The following IRAG2 variants were observed in gnomAD, a reference collection of about 807,000 sequenced individuals.
The protein encoded by IRAG2 is inositol 1,4,5-triphosphate receptor associated 2, also known as lymphoid restricted membrane protein.
In IRAG2, 45 loss-of-function variants were observed where a neutral mutation model predicts 69.9. The ratio of observed to expected loss-of-function variants is 0.64; its 90% CI spans 0.51 to 0.83. IRAG2 has a LOEUF of 0.83. Among genes scored for constraint, IRAG2 ranks in the 40% least tolerant of loss-of-function variants. The pLI is 0.00. For missense variants in IRAG2, 520 were observed against 587.0 expected (o/e 0.89, Z 1.18); for synonymous variants, 193 against 202.4 (o/e 0.95, Z 0.40).
chr12:25,025,260 A>C (rs1313793623), intron 8 of IRAG2, among the ~76,000 whole-genome samples: 1 of 152,220 alleles, frequency 6.6e-6, no homozygotes, highest in African/African-American at 2.4e-5. Context: ...GGTTAGGAAA[A>C]GCAGCCTTAT....
At position 25,022,264 on chromosome 12, in the gene IRAG2, C is replaced by T. The variant is rs998169702; in HGVS notation, c.1332+1357C>T. On this transcript the variant is annotated intron_variant, in intron 7 of 38. Transcript: ENST00000636465. ...TGGCCTGCACTTTGGGAGGCTGAGGCGGGTGGGTCACTTGAGGTCAGGAGT... is the reference window on the plus strand; with the variant it reads ...TGGCCTGCACTTTGGGAGGCTGAGGTGGGTGGGTCACTTGAGGTCAGGAGT... Among the ~76,000 whole-genome samples the T allele has an allele frequency of 3.3e-5, 5 of 152,010 alleles. 1 individual carries two copies. The highest frequency in any genetic ancestry group is 1.3e-4 in the Admixed American group (2 of 15,252).
At chr12:25,022,657 G>C (rs1591928134) in intron 7 of IRAG2, among the ~76,000 whole-genome samples, 2 of 152,148 alleles carry the variant, frequency 1.3e-5, no homozygotes, top group East Asian at 3.8e-4. Flanking sequence ...ATATTTTTGT[G>C]TACTAAAAAA....
intron 3 of IRAG2, among the ~76,000 whole-genome samples, chr12:25,012,116 G>GTGT (rs887600264): frequency 7.1e-6 from 1 of 140,972 alleles, no homozygotes; most frequent in Non-Finnish European, 1.5e-5. Context: ...CTGGAGATGT[G>GTGT]TGTCTTCTTC....
At chr12:25,068,128 A>G (rs1946107077) in intron 5 of IRAG2, among the ~76,000 whole-genome samples, 1 of 152,046 alleles carries the variant, frequency 6.6e-6, no homozygotes, top group African/African-American at 2.4e-5. Flanking sequence ...GGTGTGAGCC[A>G]CAGCACTTGA....
chr12:25,052,755 C>T lies in IRAG2; in HGVS notation c.-648C>T. On this transcript the variant is annotated 5_prime_UTR_variant, in exon 1 of 22. Transcript: ENST00000556887. ...AGCACTCCATTGCTTTCTTTCCTGG[C>T]CACACTGCTACAATCCAGCACTAAC... 1 of 398,598 alleles carries T rather than the reference C, an allele frequency of 2.5e-6. No individual in the cohort carries two copies. The allele number at this position is 398,598 out of a possible 1,614,324, so 24.7% of individuals were successfully genotyped here.
intron 14 of IRAG2, 88 bp from the exon 15 acceptor site, chr12:25,096,822 G>A (rs965526747): frequency 1.7e-5 from 16 of 952,344 alleles, no homozygotes; most frequent in South Asian, 1.1e-4. Flanking sequence ...AGATTAGAAT[G>A]TCATCCACAT....
chr12:25,101,391 CTTA>C (rs1194225594), intron 16 of IRAG2, 66 bp downstream of exon 16: 13 of 1,100,522 alleles, frequency 1.2e-5, no homozygotes, highest in Non-Finnish European at 1.6e-5. Context: ...TTTGCTAAGT[CTTA>C]TTATTACTTC....
At chr12:25,020,661 T>C (rs1944571068) in intron 6 of IRAG2, 2 of 401,462 alleles carry the variant, frequency 5.0e-6, no homozygotes. Flanking sequence ...ATATTTTTAC[T>C]ATGCGGGCAT....
intron 10 of IRAG2, chr12:25,032,126 C>G (rs1244897575): frequency 5.0e-6 from 2 of 398,834 alleles, no homozygotes; most frequent in Non-Finnish European, 8.8e-6. Context: ...TATTATTTCT[C>G]TCTTCTACTT....
chr12:25,010,366 A>G (rs1336058357), intron 2 of IRAG2, among the ~76,000 whole-genome samples: 2 of 152,142 alleles, frequency 1.3e-5, no homozygotes, highest in Non-Finnish European at 2.9e-5. Context: ...AGTCCCAGCT[A>G]CTAGGGAGGC....
chr12:25,039,263 A>T (rs1456417027), intron 16 of IRAG2, among the ~76,000 whole-genome samples: 1 of 152,202 alleles, frequency 6.6e-6, no homozygotes, highest in Non-Finnish European at 1.5e-5. Context: ...CCCCAAATAT[A>T]AGGAAACTAG....
At chr12:25,036,817 A>C (rs193196927) in intron 15 of IRAG2, 119 of 394,068 alleles carry the variant, frequency 3.0e-4, no homozygotes, top group African/African-American at 2.1e-3. Context: ...ATGAGTATAG[A>C]CTGTGTGTCC....
intron 10 of IRAG2, among the ~76,000 whole-genome samples, chr12:25,087,147 T>G (rs1273614498): frequency 7.7e-6 from 1 of 130,662 alleles, no homozygotes; most frequent in Non-Finnish European, 1.6e-5. Context: ...GGTGCCACTC[T>G]CCTTCCTTTT....
At chr12:25,062,058 A>G (rs1041173760) in intron 2 of IRAG2, among the ~76,000 whole-genome samples, 1 of 151,970 alleles carries the variant, frequency 6.6e-6, no homozygotes, top group Admixed American at 6.6e-5. Context: ...TTTCTTTCTC[A>G]TATTTGAATT....
intron 1 of IRAG2, chr12:25,005,168 C>CAAA: frequency 3.0e-6 from 2 of 668,300 alleles, no homozygotes; most frequent in Non-Finnish European, 4.1e-6. Flanking sequence ...TTTGTTAAAC[C>CAAA]AAAAAAAAAA....
At chr12:25,101,898 G>T in intron 16 of IRAG2, 2 of 591,080 alleles carry the variant, frequency 3.4e-6, no homozygotes, top group Non-Finnish European at 6.3e-6. Context: ...AACCATATTT[G>T]ATACTCTTCT....
intron 6 of IRAG2, among the ~76,000 whole-genome samples, chr12:25,070,040 C>G (rs534254660): frequency 1.3e-5 from 2 of 152,326 alleles, no homozygotes; most frequent in South Asian, 4.1e-4. Flanking sequence ...TCTTCTCAAT[C>G]AAACAGAGCA....
At chr12:25,034,887 A>T (rs1334010670) in intron 13 of IRAG2, among the ~76,000 whole-genome samples, 2 of 152,204 alleles carry the variant, frequency 1.3e-5, no homozygotes, top group South Asian at 4.1e-4. Context: ...CTTTCCTGAC[A>T]TTCTGTTTCA....
intron 6 of IRAG2, among the ~76,000 whole-genome samples, chr12:25,077,432 TA>T (rs1946905754): frequency 7.1e-6 from 1 of 141,326 alleles, no homozygotes; most frequent in African/African-American, 2.6e-5. Context: ...TAAATAAACA[TA>T]AAAATTACTA....
Sources: allele counts gnomAD v4.1 joint callset (sites outside exome capture counted in the v4.1 genomes callset), GRCh38; gene constraint gnomAD v4.1.1; transcripts MANE v1.5; gene names NCBI Gene and HGNC (gene_info 2026-07-23, HGNC 2026-07-21).